Variants in ALOX5AP observed in about 807,000 individuals in gnomAD.
ALOX5AP encodes arachidonate 5-lipoxygenase activating protein, also known as arachidonate 5-lipoxygenase-activating protein.
A neutral mutation model predicts 18.5 loss-of-function variants in ALOX5AP; 9 were observed. The ratio of observed to expected loss-of-function variants is 0.49; its 90% CI spans 0.29 to 0.85. The LOEUF (loss-of-function observed/expected upper bound fraction) is 0.85. Ranked by LOEUF, ALOX5AP falls within the 40% of genes least tolerant of loss-of-function variation. The pLI is 0.08. For missense variants in ALOX5AP, 172 were observed against 202.5 expected, an observed-to-expected ratio of 0.85 and a Z score of 0.91; for synonymous variants, 81 against 78.6, an observed-to-expected ratio of 1.03 and a Z score of -0.16.
At chr13:30,737,208 A>G (rs1331322213) in intron 1 of ALOX5AP, among the ~76,000 whole-genome samples, 2 of 152,224 alleles carry the variant, frequency 1.3e-5, no homozygotes, top group African/African-American at 4.8e-5. Flanking sequence ...GAACCCAGCT[A>G]CGAAGTTTGA....
intron 1 of ALOX5AP, 105 bp downstream of exon 1, chr13:30,735,780 A>G (rs1593433628): frequency 4.8e-6 from 6 of 1,240,800 alleles, no homozygotes; most frequent in African/African-American, 1.5e-5. Flanking sequence ...CGCATGCACA[A>G]ACACTTTTAC....
At chr13:30,762,962 T>C (rs1487402657) in intron 4 of ALOX5AP, among the ~76,000 whole-genome samples, 1 of 152,192 alleles carries the variant, frequency 6.6e-6, no homozygotes, top group Non-Finnish European at 1.5e-5. Flanking sequence ...CACATCTCAC[T>C]GGGGGATGCA....
In ALOX5AP at chr13:30,714,160, CA is replaced by C. The variant is rs527808681; in HGVS notation, c.116+320del. Among the ~76,000 whole-genome samples the C allele has an allele frequency of 2.1e-3, 292 of 138,172 alleles. 1 individual carries two copies. The highest frequency in any genetic ancestry group is 7.1e-3 in the African/African-American group (264 of 37,104). 90.6% of individuals were successfully genotyped at this position (138,172 alleles called of 152,430 possible). On this transcript the variant is annotated intron_variant, in intron 1 of 5. Transcript: ENST00000617770. Reference sequence around the variant, plus strand: ...CTCCTAGCCCTGGCTCTTTAGAGAACAGATGCCGAATAGGCATTAGGGGATG... The same window carrying C: ...CTCCTAGCCCTGGCTCTTTAGAGAACGATGCCGAATAGGCATTAGGGGATG...
chr13:30,714,756 C>T (rs939993882), intron 1 of ALOX5AP, among the ~76,000 whole-genome samples: 4 of 152,190 alleles, frequency 2.6e-5, no homozygotes, highest in Admixed American at 2.6e-4. Flanking sequence ...CTACCAGTCT[C>T]TCCTAAGCTT....
At chr13:30,735,434 T>TAA (rs59918130), upstream of ALOX5AP, 111 of 857,460 alleles carry the variant, frequency 1.3e-4, no homozygotes, top group Non-Finnish European at 1.5e-4. Context: ...GGTGGTTAGT[T>TAA]AAAAAAAAAA....
intron 3 of ALOX5AP, 25 bp from the exon 4 acceptor site, chr13:30,755,919 C>T (rs1165402759): frequency 1.2e-5 from 19 of 1,611,226 alleles, no homozygotes; most frequent in East Asian, 2.2e-5. Flanking sequence ...GAAACTGACA[C>T]AGGTGTTTTC....
intron 1 of ALOX5AP, among the ~76,000 whole-genome samples, chr13:30,737,054 T>C (rs958368766): frequency 6.6e-6 from 1 of 152,230 alleles, no homozygotes; most frequent in Non-Finnish European, 1.5e-5. Context: ...CAAAGGTAGC[T>C]GTATGGGTGG....
intron 1 of ALOX5AP, among the ~76,000 whole-genome samples, chr13:30,721,858 G>A (rs1293900312): frequency 3.9e-5 from 6 of 152,098 alleles, no homozygotes; most frequent in Non-Finnish European, 5.9e-5. Flanking sequence ...CAACTTTATG[G>A]TGACTTTCTC....
At chr13:30,755,711 C>A (rs866159441) in intron 3 of ALOX5AP, among the ~76,000 whole-genome samples, 4 of 152,220 alleles carry the variant, frequency 2.6e-5, no homozygotes, top group African/African-American at 7.2e-5. Flanking sequence ...GGGCCACGTG[C>A]GACCCGCAGG....
chr13:30,753,075 C>T (rs1315148986), intron 3 of ALOX5AP, among the ~76,000 whole-genome samples: 1 of 152,184 alleles, frequency 6.6e-6, no homozygotes, highest in Non-Finnish European at 1.5e-5. Context: ...TAAAGAGTAG[C>T]TTCTAGAGGT....
intron 2 of ALOX5AP, among the ~76,000 whole-genome samples, chr13:30,750,169 C>G (rs750989303): frequency 6.6e-6 from 1 of 152,082 alleles, no homozygotes; most frequent in East Asian, 1.9e-4. Flanking sequence ...CCTCTGGTCC[C>G]GAGAGCATGC....
At chr13:30,718,605 A>G (rs1026915229) in intron 1 of ALOX5AP, among the ~76,000 whole-genome samples, 5 of 151,702 alleles carry the variant, frequency 3.3e-5, no homozygotes, top group African/African-American at 1.2e-4. Flanking sequence ...CCTCTCACCT[A>G]TTACTTTCTC....
upstream of ALOX5AP, among the ~76,000 whole-genome samples, chr13:30,732,454 T>G: frequency 6.6e-6 from 1 of 152,202 alleles, no homozygotes; most frequent in East Asian, 1.9e-4. Flanking sequence ...GGATTATAAC[T>G]ATTGGACAGT....
intron 4 of ALOX5AP, among the ~76,000 whole-genome samples, chr13:30,762,722 G>A (rs1056712702): frequency 1.3e-5 from 2 of 152,122 alleles, no homozygotes; most frequent in South Asian, 2.1e-4. Context: ...GGCAGGAAAC[G>A]GCACTTGGCA....
chr13:30,749,851 C>T (rs17245204), intron 2 of ALOX5AP, among the ~76,000 whole-genome samples: 11,354 of 152,142 alleles, frequency 0.075, 531 homozygotes, highest in East Asian at 0.11. Context: ...ATTGGTGAGG[C>T]GCAGATAACC....
At chr13:30,741,574 A>C (rs1325851580) in intron 1 of ALOX5AP, among the ~76,000 whole-genome samples, 3 of 89,368 alleles carry the variant, frequency 3.4e-5, no homozygotes, top group African/African-American at 8.8e-5. Flanking sequence ...ACAACTGGCT[A>C]ATTTTTGTAT....
chr13:30,738,850 C>T (rs569643606), intron 1 of ALOX5AP, among the ~76,000 whole-genome samples: 11 of 152,166 alleles, frequency 7.2e-5, no homozygotes, highest in East Asian at 1.9e-4. Flanking sequence ...CAAGTTTTGG[C>T]GACATTATGG....
At chr13:30,762,445 C>T in intron 4 of ALOX5AP, among the ~76,000 whole-genome samples, 1 of 151,932 alleles carries the variant, frequency 6.6e-6, no homozygotes, top group Non-Finnish European at 1.5e-5. Context: ...AAAAATTAGC[C>T]AGGTGTGGTG....
At chr13:30,759,024 G>A (rs1951919328) in intron 4 of ALOX5AP, among the ~76,000 whole-genome samples, 1 of 152,064 alleles carries the variant, frequency 6.6e-6, no homozygotes, top group South Asian at 2.1e-4. Context: ...TAGCTATGTT[G>A]GCCAGGCTGG....
Sources: allele counts gnomAD v4.1 joint callset (sites outside exome capture counted in the v4.1 genomes callset), GRCh38; gene constraint gnomAD v4.1.1; transcripts MANE v1.5; gene names NCBI Gene and HGNC (gene_info 2026-07-23, HGNC 2026-07-21).